TNIK: variants seen among roughly 807,000 people sequenced by gnomAD.
TNIK encodes TRAF2 and NCK-interacting protein kinase.
In TNIK, 49 loss-of-function variants were observed where a neutral mutation model predicts 191.3. The observed-to-expected ratio is 0.26, with a 90% CI of 0.20 to 0.32. The LOEUF (loss-of-function observed/expected upper bound fraction) is 0.32. Ranked by LOEUF, TNIK falls within the 10% of genes least tolerant of loss-of-function variation. TNIK has a pLI of 1.00. For synonymous variants in TNIK, 594 were observed against 600.9 expected, an observed-to-expected ratio of 0.99 and a Z score of 0.17; for missense variants, 1,155 against 1,702.3, an observed-to-expected ratio of 0.68 and a Z score of 5.66.
At chr3:171,214,463 A>C (rs1006475366) in intron 3 of TNIK, among the ~76,000 whole-genome samples, 1 of 152,230 alleles carries the variant, frequency 6.6e-6, no homozygotes, top group African/African-American at 2.4e-5. Context: ...TGAATGTGGC[A>C]AAAAGTAGGA....
intron 1 of TNIK, among the ~76,000 whole-genome samples, chr3:171,396,413 A>T (rs1040896239): frequency 6.6e-6 from 1 of 152,210 alleles, no homozygotes; most frequent in South Asian, 2.1e-4. Context: ...GCTGCTATGA[A>T]CATTTGTGCA....
At chr3:171,085,941 A>G (rs988434083) in intron 24 of TNIK, among the ~76,000 whole-genome samples, 2 of 152,232 alleles carry the variant, frequency 1.3e-5, no homozygotes, top group Non-Finnish European at 2.9e-5. Flanking sequence ...CCATGAAAAC[A>G]TGATGTCAGA....
At chr3:171,397,827 C>T (rs1720446091) in intron 1 of TNIK, among the ~76,000 whole-genome samples, 1 of 152,148 alleles carries the variant, frequency 6.6e-6, no homozygotes, top group African/African-American at 2.4e-5. Flanking sequence ...TATAATACAA[C>T]ATACACGCTT....
chr3:171,323,261 C>T (rs1465674837), intron 2 of TNIK, among the ~76,000 whole-genome samples: 1 of 152,046 alleles, frequency 6.6e-6, no homozygotes, highest in East Asian at 1.9e-4. Context: ...CTTCATATTC[C>T]ATGTTGACAC....
chr3:171,459,700 A>ACACACACACACG (rs1012502406), intron 1 of TNIK, among the ~76,000 whole-genome samples: 15 of 151,796 alleles, frequency 9.9e-5, no homozygotes, highest in Admixed American at 3.3e-4. Context: ...ACACACACAC[A>ACACACACACACG]CACGCACACA....
Position 171,434,929 on chromosome 3 carries a change from A to G in TNIK, c.57+25078T>C, listed in dbSNP as rs1165501212. ...ATTAGGATGTTTGCAACTGCAAGTA[A>G]AAAAAAACACACAACTGAGAGTGGC... On this transcript the variant is annotated intron_variant, in intron 1 of 32. Coordinates refer to ENST00000436636, the MANE Select transcript of TNIK (RefSeq NM_015028.4). Among the ~76,000 whole-genome samples the G allele has an allele frequency of 5.5e-4, 83 of 152,076 alleles. 1 individual carries two copies. Among genetic ancestry groups the G allele is most frequent in the Admixed American group, 5.4e-3 (83 of 15,270 alleles).
At chr3:171,358,798 G>A (rs886526229) in intron 2 of TNIK, among the ~76,000 whole-genome samples, 4 of 152,226 alleles carry the variant, frequency 2.6e-5, no homozygotes, top group Non-Finnish European at 2.9e-5. Flanking sequence ...TTGGAGGAAC[G>A]CCAACGTAAG....
chr3:171,096,936 A>G (rs1722809081), intron 22 of TNIK, among the ~76,000 whole-genome samples: 2 of 152,322 alleles, frequency 1.3e-5, no homozygotes, highest in South Asian at 4.1e-4. Flanking sequence ...GGCTATCAGG[A>G]TATTATTTGG....
chr3:171,195,459 T>A (rs137873656), intron 4 of TNIK, among the ~76,000 whole-genome samples: 1,656 of 152,234 alleles, frequency 0.011, 29 homozygotes, highest in African/African-American at 0.038. Context: ...GAATTCAGAA[T>A]AACTAGCAAT....
chr3:171,405,259 G>A (rs1234863478), intron 1 of TNIK, among the ~76,000 whole-genome samples: 1 of 152,132 alleles, frequency 6.6e-6, no homozygotes, highest in Non-Finnish European at 1.5e-5. Flanking sequence ...AAAACTGGCA[G>A]GTGGATTGTT....
At chr3:171,289,467 GA>G (rs567620362) in intron 2 of TNIK, among the ~76,000 whole-genome samples, 147 of 152,260 alleles carry the variant, frequency 9.7e-4, no homozygotes, top group Middle Eastern at 3.4e-3. Context: ...GATGAGACAG[GA>G]AAAAATGTGA....
At chr3:171,297,326 A>G (rs1752410239) in intron 2 of TNIK, among the ~76,000 whole-genome samples, 1 of 152,218 alleles carries the variant, frequency 6.6e-6, no homozygotes, top group African/African-American at 2.4e-5. Flanking sequence ...TGTTGGGCTC[A>G]ATATATACTT....
intron 2 of TNIK, among the ~76,000 whole-genome samples, chr3:171,239,816 C>T (rs954057218): frequency 5.3e-5 from 8 of 152,144 alleles, no homozygotes; most frequent in Non-Finnish European, 1.0e-4. Flanking sequence ...CACATCCATC[C>T]CTGGGAAGCT....
chr3:171,377,247 T>C (rs1306403560), intron 1 of TNIK, among the ~76,000 whole-genome samples: 3 of 152,192 alleles, frequency 2.0e-5, no homozygotes, highest in African/African-American at 2.4e-5. Flanking sequence ...TCGATACTGG[T>C]AGCTTCCAGT....
intron 2 of TNIK, among the ~76,000 whole-genome samples, chr3:171,319,328 G>T (rs1754949690): frequency 6.6e-6 from 1 of 152,052 alleles, no homozygotes; most frequent in African/African-American, 2.4e-5. Flanking sequence ...ATATTGTTGG[G>T]CAAAAATTCT....
Position 171,059,755 on chromosome 3 carries a change from A to G in TNIK, c.*4126T>C, listed in dbSNP as rs1717663179. On this transcript the variant is annotated 3_prime_UTR_variant, in exon 33 of 33. Transcript: ENST00000436636. ...ATTTAGACTTTTGGATTTTAGATTT[A>G]TGTTACAACTATGTAGTCTCAGGGG... Among the ~76,000 whole-genome samples the G allele has an allele frequency of 6.6e-6, 1 of 152,176 alleles. No homozygotes were observed. Among genetic ancestry groups the G allele is most frequent in the Non-Finnish European group, 1.5e-5 (1 of 68,024 alleles).
At chr3:171,200,272 G>A (rs942757323) in intron 4 of TNIK, among the ~76,000 whole-genome samples, 1 of 152,138 alleles carries the variant, frequency 6.6e-6, no homozygotes, top group African/African-American at 2.4e-5. Context: ...GGAAGGTCAA[G>A]TTGAAGGTGG....
chr3:171,358,393 C>T (rs1714472919), intron 2 of TNIK, among the ~76,000 whole-genome samples: 1 of 152,114 alleles, frequency 6.6e-6, no homozygotes, highest in Non-Finnish European at 1.5e-5. Context: ...GACAAGAATG[C>T]TTGTGTAGGG....
At chr3:171,085,079 A>G (rs781525972) in intron 25 of TNIK, 39 bp downstream of exon 25, 9 of 1,522,998 alleles carry the variant, frequency 5.9e-6, no homozygotes, top group Non-Finnish European at 7.1e-6. Flanking sequence ...AGAAAGGAAG[A>G]CGAAGCTGTT....
Sources: gnomAD v4.1 joint callset for allele counts (sites outside exome capture counted in the v4.1 genomes callset) on GRCh38, gnomAD v4.1.1 for gene constraint, MANE v1.5 for transcripts, NCBI Gene and HGNC (gene_info 2026-07-23, HGNC 2026-07-21) for gene names.